Variants in ARMC8 observed in about 807,000 individuals in gnomAD.
ARMC8 encodes armadillo repeat containing 8.
In ARMC8, 20 loss-of-function variants were observed where a neutral mutation model predicts 99.3. That is an observed-to-expected ratio of 0.20 (90% confidence interval 0.14 to 0.29). ARMC8 has a LOEUF of 0.29. Among genes scored for constraint, ARMC8 ranks in the 10% least tolerant of loss-of-function variants. ARMC8 has a pLI of 1.00. For missense variants in ARMC8, 569 were observed against 809.5 expected, an observed-to-expected ratio of 0.70 and a Z score of 3.60; for synonymous variants, 263 against 278.3, an observed-to-expected ratio of 0.95 and a Z score of 0.55.
chr3:138,233,876 C>T (rs1020250519), intron 6 of ARMC8, among the ~76,000 whole-genome samples: 6 of 151,974 alleles, frequency 3.9e-5, no homozygotes, highest in African/African-American at 1.5e-4. Flanking sequence ...AAATATCATC[C>T]CTGTGTTGGC....
At chr3:138,223,776 A>G (rs1425812549) in intron 5 of ARMC8, 43 bp downstream of exon 5, 4 of 1,499,558 alleles carry the variant, frequency 2.7e-6, no homozygotes, top group South Asian at 2.3e-5. Context: ...CATTTCACCA[A>G]CAGCCTACTC....
rs1017166723 is a variant in ARMC8 at position 138,274,053 on chromosome 3, G to A, written c.1630-396G>A. Among the ~76,000 whole-genome samples, 4 of 152,040 alleles carry A rather than the reference G, an allele frequency of 2.6e-5. No homozygotes were observed. The South Asian group carries it at 8.3e-4, about 32-fold the overall frequency. On this transcript the variant is annotated intron_variant, in intron 17 of 21. Coordinates refer to ENST00000469044, the MANE Select transcript of ARMC8 (RefSeq NM_001363941.2). Reference sequence around the variant, plus strand: ...GGCTGGTCTCGAACTCCTGCCCTCAGGTGATTGGCCCACCTCGGCCCCCCA... The same window carrying A: ...GGCTGGTCTCGAACTCCTGCCCTCAAGTGATTGGCCCACCTCGGCCCCCCA...
chr3:138,187,628 G>T, intron 1 of ARMC8, 29 bp downstream of exon 1: 1 of 1,534,650 alleles, frequency 6.5e-7, no homozygotes, highest in South Asian at 1.2e-5. Flanking sequence ...CCGCCCGCCC[G>T]CCCTCCAGGA....
intron 17 of ARMC8, 116 bp downstream of exon 17, chr3:138,273,232 C>A: frequency 9.0e-7 from 1 of 1,115,362 alleles, no homozygotes; most frequent in Admixed American, 2.6e-5. Flanking sequence ...CAAATGCTGC[C>A]CCCTTCCAAA....
chr3:138,263,934 C>G, intron 13 of ARMC8, 113 bp downstream of exon 13: 1 of 1,089,770 alleles, frequency 9.2e-7, no homozygotes, highest in East Asian at 2.4e-5. Flanking sequence ...AAAATCTGCT[C>G]AGGTGAATTC....
intron 13 of ARMC8, 72 bp downstream of exon 13, chr3:138,263,893 C>G (rs1461731701): frequency 7.6e-7 from 1 of 1,313,426 alleles, no homozygotes; most frequent in African/African-American, 1.4e-5. Context: ...TGGTCCTTCA[C>G]TGAGTAAACA....
At chr3:138,229,182 A>ATG (rs1429315570) in intron 6 of ARMC8, 172 bp downstream of exon 6, 1 of 26,396 alleles carries the variant, frequency 3.8e-5, no homozygotes, top group Non-Finnish European at 7.5e-5. Flanking sequence ...ATATATATAT[A>ATG]TGTATATGTA....
chr3:138,291,078 A>G (rs1486833006), intron 21 of ARMC8, among the ~76,000 whole-genome samples: 1 of 152,254 alleles, frequency 6.6e-6, no homozygotes, highest in Non-Finnish European at 1.5e-5. Context: ...CAAAGAGCTC[A>G]TCATTTCCTG....
rs1378839034 is a variant in ARMC8, at chr3:138,221,980, T to A, written c.177T>A (p.Val59=). Residue 59 remains valine (V), a synonymous_variant, in exon 3 of 22, where the codon GTT becomes GTA. Transcript: ENST00000469044. ...ACAAGCAGAAAGCCAATCTCATTGTTTTAGGAGCTGTTCCAAGGTATGTTT... is the reference window on the plus strand; with the variant it reads ...ACAAGCAGAAAGCCAATCTCATTGTATTAGGAGCTGTTCCAAGGTATGTTT... ...GNNKQKANLI[V]LGAVPRLLYL... 1 of 1,613,586 alleles carries A rather than the reference T, an allele frequency of 6.2e-7. No individual in the cohort carries two copies. The highest frequency in any genetic ancestry group is 8.5e-7 in the Non-Finnish European group (1 of 1,179,608).
intron 1 of ARMC8, among the ~76,000 whole-genome samples, chr3:138,194,701 T>C (rs1177715187): frequency 6.6e-6 from 1 of 152,022 alleles, no homozygotes; most frequent in African/African-American, 2.4e-5. Flanking sequence ...CAAATCTGGA[T>C]ATTCCTTCAT....
rs375651235 is a variant in ARMC8 at position 138,223,358 on chromosome 3, T to C, written c.195-31T>C. 9.6e-5 allele frequency: 155 copies of C among 1,607,366 alleles called. 1 individual carries two copies. Among genetic ancestry groups the C allele is most frequent in the Middle Eastern group, 3.3e-4 (2 of 6,022 alleles). On this transcript the variant is annotated intron_variant, in intron 3 of 21. Transcript: ENST00000469044. ...ATTGAGTCTTGTTTAAATTTTTTAG[T>C]CTCTTCGTTTATTAAGTTCCTTCTT...
intron 1 of ARMC8, among the ~76,000 whole-genome samples, chr3:138,201,202 C>G (rs533063429): frequency 6.6e-6 from 1 of 151,116 alleles, no homozygotes; most frequent in African/African-American, 2.4e-5. Context: ...GTGAGCTATG[C>G]CTGGCCTATT....
chr3:138,279,269 A>G (rs2049630842), intron 18 of ARMC8, among the ~76,000 whole-genome samples: 1 of 152,178 alleles, frequency 6.6e-6, no homozygotes. Flanking sequence ...AACATGAGCC[A>G]TAGATTTTTT....
chr3:138,192,705 C>T (rs528190847), intron 1 of ARMC8, among the ~76,000 whole-genome samples: 54 of 152,196 alleles, frequency 3.5e-4, no homozygotes, highest in Middle Eastern at 3.4e-3. Flanking sequence ...TGTGTGCCAC[C>T]ATGCCTGGCC....
At chr3:138,247,439 C>T (rs2046931884) in intron 12 of ARMC8, among the ~76,000 whole-genome samples, 1 of 152,058 alleles carries the variant, frequency 6.6e-6, no homozygotes, top group Admixed American at 6.6e-5. Context: ...TCCCTCAATC[C>T]CTACTTCTCC....
chr3:138,222,952 C>G (rs1267892431), intron 3 of ARMC8, among the ~76,000 whole-genome samples: 1 of 152,150 alleles, frequency 6.6e-6, no homozygotes, highest in Non-Finnish European at 1.5e-5. Context: ...CACAAGGGCT[C>G]TGAATATTCC....
intron 20 of ARMC8, among the ~76,000 whole-genome samples, chr3:138,289,553 G>A (rs1015485834): frequency 2.0e-5 from 3 of 152,192 alleles, no homozygotes; most frequent in African/African-American, 4.8e-5. Flanking sequence ...AGTGCAATGT[G>A]ACCAGTGAAG....
Position 138,223,451 on chromosome 3 carries a change from T to C in ARMC8, c.257T>C (p.Val86Ala). ...STELKTECAVVLGSLAMGTEN... is the reference protein window; with the variant it reads ...STELKTECAVALGSLAMGTEN... ...GAGCTGAAAACTGAATGTGCAGTGG[T>C]GTTGGGAAGTCTTGCTATGGGTACT... The change falls in exon 4 of 22, where the codon GTG becomes GCG. Residue 86 changes from valine to alanine, a missense_variant. Physicochemically the swap from Val to Ala is moderately conservative, Grantham distance 64. This residue lies in a region of ARMC8 where 342 missense variants were observed against 391.6 expected (regional missense o/e 0.87). Coordinates refer to ENST00000469044, the MANE Select transcript of ARMC8 (RefSeq NM_001363941.2). 1 of 1,614,134 alleles carries C rather than the reference T, an allele frequency of 6.2e-7. No individual in the cohort carries two copies. Among genetic ancestry groups the C allele is most frequent in the Non-Finnish European group, 8.5e-7 (1 of 1,179,998 alleles).
intron 15 of ARMC8, among the ~76,000 whole-genome samples, chr3:138,268,767 C>A (rs768380665): frequency 3.2e-4 from 49 of 151,564 alleles, no homozygotes; most frequent in Admixed American, 1.1e-3. Context: ...CAGAGCGAGA[C>A]CCTGTCTGAA....
Sources: allele counts gnomAD v4.1 joint callset (sites outside exome capture counted in the v4.1 genomes callset), GRCh38; gene constraint gnomAD v4.1.1; regional missense constraint gnomAD v4.1.1; transcripts MANE v1.5; gene names NCBI Gene and HGNC (gene_info 2026-07-23, HGNC 2026-07-21).